Variants in SCN8A observed in about 807,000 individuals in gnomAD.
SCN8A encodes sodium voltage-gated channel alpha subunit 8.
Under a neutral mutation model 184.1 loss-of-function variants are expected in SCN8A, and 30 were observed. The ratio of observed to expected loss-of-function variants is 0.16; its 90% CI spans 0.12 to 0.22. The LOEUF is 0.22. Ranked by LOEUF, SCN8A falls within the 10% of genes least tolerant of loss-of-function variation. The probability of loss-of-function intolerance (pLI) is 1.00; values close to 1 mark genes in which losing one functional copy is unlikely to be tolerated. For synonymous variants in SCN8A, 852 were observed against 907.0 expected (o/e 0.94, Z 1.09); for missense variants, 1,057 against 2,498.9 (o/e 0.42, Z 12.30).
At chr12:51,727,415 A>G (rs1224085532) in intron 12 of SCN8A, among the ~76,000 whole-genome samples, 1 of 152,130 alleles carries the variant, frequency 6.6e-6, no homozygotes, top group South Asian at 2.1e-4. Flanking sequence ...TTGCAAAAAA[A>G]AACCAAAAAA....
At chr12:51,686,789 C>G (rs1451194762) in intron 4 of SCN8A, among the ~76,000 whole-genome samples, 6 of 152,114 alleles carry the variant, frequency 3.9e-5, no homozygotes, top group Admixed American at 1.3e-4. Flanking sequence ...AGGTTAAAAA[C>G]AGCTCTGGGG....
chr12:51,610,169 C>CA (rs398019572), intron 1 of SCN8A, among the ~76,000 whole-genome samples: 37,933 of 56,002 alleles, frequency 0.68, 12,966 homozygotes, highest in Non-Finnish European at 0.76. Context: ...AACTCTGTCT[C>CA]AAAAAAAAAA....
rs533031599 is a variant in SCN8A, at chr12:51,689,213, T to C, written c.706+117T>C. ...GTTGATAATGGCCTTGCATTCTGCA[T>C]GTTTTTCCTGGGAGACATTCTCTGG... On this transcript the variant is annotated intron_variant, in intron 6 of 26. Transcript: ENST00000627620. The C allele has an allele frequency of 6.7e-4, 543 of 804,860 alleles. 4 individuals are homozygous for C. The African/African-American group carries it at 8.6e-3, about 13-fold the overall frequency. 49.9% of individuals were successfully genotyped at this position (804,860 alleles called of 1,614,324 possible).
chr12:51,712,960 C>G, intron 11 of SCN8A: 1 of 1,590,986 alleles, frequency 6.3e-7, no homozygotes, highest in South Asian at 1.1e-5. Flanking sequence ...TCCACCTCCA[C>G]GACCTGTCCG....
At chr12:51,689,891 T>G (rs1941479190) in intron 6 of SCN8A, 2 of 152,182 alleles carry the variant, frequency 1.3e-5, no homozygotes, top group African/African-American at 4.8e-5. Context: ...TCTTTAAAAT[T>G]TGTGCCTTTT....
chr12:51,724,921 T>C (rs1592408568), intron 12 of SCN8A, among the ~76,000 whole-genome samples: 1 of 152,174 alleles, frequency 6.6e-6, no homozygotes, highest in Admixed American at 6.5e-5. Flanking sequence ...GTTAAGCAGA[T>C]GGCTGTGGAA....
chr12:51,726,658 CAT>C (rs1193876168), intron 12 of SCN8A, among the ~76,000 whole-genome samples: 1 of 152,058 alleles, frequency 6.6e-6, no homozygotes, highest in Non-Finnish European at 1.5e-5. Flanking sequence ...TAAACTATAA[CAT>C]ATATATGTTA....
rs985471999 is a variant in SCN8A, at chr12:51,627,881, C to T, written c.-54-34883C>T. Among the ~76,000 whole-genome samples, 7 of 152,216 alleles carry T rather than the reference C, an allele frequency of 4.6e-5. No individual in the cohort carries two copies. The South Asian group carries it at 6.2e-4, about 13-fold the overall frequency. ...ACTAGGGAGCATTCATATTTTCTGT[C>T]TCCTAGAGTGCAAAGTACATTATAG... On this transcript the variant is annotated intron_variant, in intron 1 of 26. Coordinates refer to ENST00000627620, the MANE Select transcript of SCN8A (RefSeq NM_001330260.2).
intron 6 of SCN8A, chr12:51,689,532 C>T (rs547360847): frequency 6.9e-5 from 11 of 159,258 alleles, no homozygotes; most frequent in Non-Finnish European, 1.1e-4. Context: ...TTTACTATTA[C>T]TATATTAATG....
intron 21 of SCN8A, among the ~76,000 whole-genome samples, chr12:51,782,646 TACTA>T (rs1344526077): frequency 7.9e-5 from 12 of 152,198 alleles, no homozygotes; most frequent in African/African-American, 1.4e-4. Context: ...TGACGCTTGT[TACTA>T]ACTATTTCCA....
At chr12:51,744,613 CTT>C (rs1410294336) in intron 12 of SCN8A, among the ~76,000 whole-genome samples, 25 of 137,460 alleles carry the variant, frequency 1.8e-4, no homozygotes, top group Non-Finnish European at 2.2e-4. Flanking sequence ...TGATGAAACA[CTT>C]TTTTTTTTTT....
chr12:51,673,714 G>A (rs1013430301), intron 2 of SCN8A, among the ~76,000 whole-genome samples: 1 of 152,204 alleles, frequency 6.6e-6, no homozygotes, highest in African/African-American at 2.4e-5. Context: ...TTGCTAAGCT[G>A]AGAAAATCAT....
chr12:51,604,477 T>G (rs373200813), intron 1 of SCN8A, among the ~76,000 whole-genome samples: 10 of 152,056 alleles, frequency 6.6e-5, no homozygotes, highest in South Asian at 4.2e-4. Context: ...CCCCAGGTTT[T>G]TTTGTTTGTT....
At chr12:51,771,912 A>G (rs187310345) in intron 19 of SCN8A, among the ~76,000 whole-genome samples, 6 of 152,360 alleles carry the variant, frequency 3.9e-5, no homozygotes, top group Admixed American at 2.6e-4. Flanking sequence ...ACAAAAATCT[A>G]AACAGTATGA....
At chr12:51,650,658 C>T (rs536332578) in intron 1 of SCN8A, among the ~76,000 whole-genome samples, 20 of 152,158 alleles carry the variant, frequency 1.3e-4, no homozygotes, top group Middle Eastern at 3.4e-3. Context: ...AGCACTGTGA[C>T]ATGTTCATGA....
chr12:51,756,546 G>T (rs1942677653), intron 14 of SCN8A, among the ~76,000 whole-genome samples: 1 of 152,224 alleles, frequency 6.6e-6, no homozygotes, highest in South Asian at 2.1e-4. Context: ...CCTCAAGTGT[G>T]GACGTCCTCC....
At chr12:51,784,901 C>T (rs900063355) in intron 21 of SCN8A, among the ~76,000 whole-genome samples, 2 of 152,106 alleles carry the variant, frequency 1.3e-5, no homozygotes, top group African/African-American at 4.8e-5. Context: ...GATTAAAAAG[C>T]AGCATGCCTT....
chr12:51,777,162 C>T (rs776616750), intron 20 of SCN8A, among the ~76,000 whole-genome samples: 8 of 152,190 alleles, frequency 5.3e-5, no homozygotes, highest in South Asian at 2.1e-4. Flanking sequence ...AAACATTCCC[C>T]GTTTGAAAAT....
chr12:51,659,348 A>C (rs1940883311), intron 1 of SCN8A, among the ~76,000 whole-genome samples: 1 of 152,222 alleles, frequency 6.6e-6, no homozygotes, highest in African/African-American at 2.4e-5. Flanking sequence ...TGGGATGCTG[A>C]AAGTAAATTT....
Sources: gnomAD v4.1 joint callset for allele counts (sites outside exome capture counted in the v4.1 genomes callset) on GRCh38, gnomAD v4.1.1 for gene constraint, MANE v1.5 for transcripts, NCBI Gene and HGNC (gene_info 2026-07-23, HGNC 2026-07-21) for gene names.